Variants in KPNA7 observed in about 807,000 individuals in gnomAD.
KPNA7 encodes importin subunit alpha-8.
KPNA7 carries 54 observed loss-of-function variants against 53.7 expected under a neutral mutation model. The observed-to-expected ratio is 1.01, with a 90% CI of 0.81 to 1.26. KPNA7 has a LOEUF of 1.26. KPNA7 is among the 50% of genes most tolerant of loss of function. The pLI is 0.00. For synonymous variants in KPNA7, 276 were observed against 259.3 expected, an observed-to-expected ratio of 1.06 and a Z score of -0.62; for missense variants, 640 against 644.5, an observed-to-expected ratio of 0.99 and a Z score of 0.07.
At chr7:99,163,235 T>C in the KPNA7 span, among the ~76,000 whole-genome samples, 1 of 150,708 alleles carries the variant, frequency 6.6e-6, no homozygotes, top group Admixed American at 6.7e-5. Flanking sequence ...CAAACAAAAA[T>C]TATTGTATTG....
the KPNA7 span, among the ~76,000 whole-genome samples, chr7:99,160,028 T>TTG: frequency 2.2e-5 from 1 of 45,040 alleles, no homozygotes; most frequent in Non-Finnish European, 8.7e-5. Context: ...TTTTTTTTTT[T>TTG]TTTTTTTTTT....
chr7:99,209,045 G>A (rs1425219645), upstream of KPNA7, among the ~76,000 whole-genome samples: 1 of 152,104 alleles, frequency 6.6e-6, no homozygotes, highest in Non-Finnish European at 1.5e-5. Flanking sequence ...CCAGCTATTT[G>A]GGAGGCTGAA....
the KPNA7 span, among the ~76,000 whole-genome samples, chr7:99,168,287 A>G: frequency 6.6e-6 from 1 of 152,170 alleles, no homozygotes; most frequent in African/African-American, 2.4e-5. Flanking sequence ...AGTCTGTTTG[A>G]AGTGCAAGAA....
the KPNA7 span, among the ~76,000 whole-genome samples, chr7:99,160,920 G>T: frequency 6.6e-6 from 1 of 151,642 alleles, no homozygotes; most frequent in African/African-American, 2.4e-5. Flanking sequence ...AGACTGGAGT[G>T]CAGTCACATG....
intron 1 of KPNA7, among the ~76,000 whole-genome samples, chr7:99,213,173 C>CTGGA (rs1266282517): frequency 6.7e-6 from 1 of 149,936 alleles, no homozygotes; most frequent in Non-Finnish European, 1.5e-5. Context: ...TGTTGCCAGG[C>CTGGA]TGGAGTGCAG....
chr7:99,206,616 ACAC>A (rs1790827575), intron 2 of KPNA7, among the ~76,000 whole-genome samples: 1 of 152,034 alleles, frequency 6.6e-6, no homozygotes, highest in Admixed American at 6.6e-5. Context: ...CTACAGGCAC[ACAC>A]CACCACACCT....
chr7:99,213,447 AAAAAAAAAAAG>A (rs1266562243), intron 1 of KPNA7, among the ~76,000 whole-genome samples: 21 of 145,868 alleles, frequency 1.4e-4, no homozygotes, highest in African/African-American at 5.5e-4. Context: ...AAAAAAAAAA[AAAAAAAAAAAG>A]AGAGAGAGAC....
intron 2 of KPNA7, among the ~76,000 whole-genome samples, chr7:99,205,593 T>C (rs769619073): frequency 2.0e-5 from 3 of 152,088 alleles, no homozygotes; most frequent in Non-Finnish European, 4.4e-5. Context: ...CTCATGCCAG[T>C]AATCCCAGCA....
At chr7:99,159,510 C>T in the KPNA7 span, among the ~76,000 whole-genome samples, 7 of 152,202 alleles carry the variant, frequency 4.6e-5, no homozygotes, top group East Asian at 1.4e-3. Flanking sequence ...AAGAATAGAA[C>T]AGAACTCCCC....
intron 10 of KPNA7, among the ~76,000 whole-genome samples, chr7:99,176,390 A>C (rs1255650206): frequency 6.6e-6 from 1 of 152,094 alleles, no homozygotes; most frequent in Admixed American, 6.6e-5. Flanking sequence ...CTTTATACCC[A>C]TGAGATTAGC....
Position 99,184,996 on chromosome 7 carries a change from G to A in KPNA7, c.1067C>T (p.Pro356Leu). The A allele has an allele frequency of 6.4e-7, 1 of 1,551,964 alleles. No homozygotes were observed. The highest frequency in any genetic ancestry group is 8.7e-7 in the Non-Finnish European group (1 of 1,147,060). Residue 356 changes from proline to leucine, a missense_variant, in exon 8 of 11, where the codon CCT becomes CTT. Coordinates refer to ENST00000327442, the MANE Select transcript of KPNA7 (RefSeq NM_001145715.3). ...AAGCAGCTGCTGGATGTGGTGACAA[G>A]GCCCCGCTGCTACGTTGCTCAGGGC... The part of the protein sequence containing the change: ...AWALSNVAAG[P>L]CHHIQQLLAY...
At chr7:99,150,560 A>G in the KPNA7 span, among the ~76,000 whole-genome samples, 1 of 151,846 alleles carries the variant, frequency 6.6e-6, no homozygotes, top group South Asian at 2.1e-4. Context: ...GAATATAGGC[A>G]TGCACCACTA....
At chr7:99,212,886 CAAAAAGAAAAGAA>C (rs1047087713), upstream of KPNA7, among the ~76,000 whole-genome samples, 14 of 150,894 alleles carry the variant, frequency 9.3e-5, no homozygotes, top group Non-Finnish European at 1.6e-4. Flanking sequence ...GACCCTGTCT[CAAAAAGAAAAGAA>C]AAAAAGAAAA....
intron 3 of KPNA7, among the ~76,000 whole-genome samples, chr7:99,200,860 C>T (rs555197006): frequency 2.0e-5 from 3 of 152,112 alleles, no homozygotes; most frequent in Admixed American, 6.6e-5. Context: ...CCTAGCTACT[C>T]GGGAGGCTGA....
In KPNA7 at chr7:99,188,528, C is replaced by T. The variant is rs1166131653; in HGVS notation, c.672G>A (p.Ser224=). The change falls in exon 7 of 11, where the codon TCG becomes TCA. Residue 224 remains serine, a synonymous_variant. Transcript: ENST00000327442. The part of the protein sequence containing the change: ...TFLRNITWTL[S]NLCRNKNPYP... ...ATGGGTTCTTGTTTCGGCACAGATT[C>T]GACAAGGTCCACGTGATGTTCCGCA... is the stretch of plus-strand genomic sequence containing the variant. 8.4e-6 allele frequency: 13 copies of T among 1,551,650 alleles called. No individual in the cohort carries two copies. The highest frequency in any genetic ancestry group is 1.0e-5 in the Non-Finnish European group (12 of 1,146,974).
upstream of KPNA7, among the ~76,000 whole-genome samples, chr7:99,208,720 C>T (rs12705045): frequency 0.061 from 9,290 of 152,276 alleles, 321 homozygotes; most frequent in South Asian, 0.15. Context: ...AGCATCACCA[C>T]ACCAGCTCAG....
upstream of KPNA7, among the ~76,000 whole-genome samples, chr7:99,212,506 G>A (rs894091441): frequency 3.3e-5 from 5 of 151,350 alleles, no homozygotes; most frequent in African/African-American, 7.3e-5. Flanking sequence ...CACCCGCCTC[G>A]GTCCCCCAAA....
chr7:99,194,575 T>C (rs2150749091), intron 5 of KPNA7, among the ~76,000 whole-genome samples: 1 of 152,262 alleles, frequency 6.6e-6, no homozygotes, highest in Non-Finnish European at 1.5e-5. Context: ...CTGTTTCAGC[T>C]TCAATATTTG....
At chr7:99,191,182 G>GCAAGACAGA (rs1270845973) in intron 6 of KPNA7, among the ~76,000 whole-genome samples, 1 of 147,940 alleles carries the variant, frequency 6.8e-6, no homozygotes, top group African/African-American at 2.5e-5. Flanking sequence ...TTTTTGAGAT[G>GCAAGACAGA]GAGTCTTGCT....
Sources: gnomAD v4.1 joint callset for allele counts (sites outside exome capture counted in the v4.1 genomes callset) on GRCh38, gnomAD v4.1.1 for gene constraint, MANE v1.5 for transcripts, NCBI Gene and HGNC (gene_info 2026-07-23, HGNC 2026-07-21) for gene names.